Variants in CNTNAP2 observed in about 807,000 individuals in gnomAD.
The protein encoded by CNTNAP2 is contactin-associated protein-like 2.
CNTNAP2 carries 98 observed loss-of-function variants against 155.2 expected under a neutral mutation model. That is an observed-to-expected ratio of 0.63 (90% CI 0.54 to 0.75). The LOEUF (loss-of-function observed/expected upper bound fraction) is 0.75. CNTNAP2 is among the 30% of genes least tolerant of loss of function. The pLI is 0.00. For synonymous variants in CNTNAP2, 651 were observed against 631.2 expected (o/e 1.03, Z -0.47); for missense variants, 1,727 against 1,688.1 (o/e 1.02, Z -0.40).
chr7:147,878,027 A>C (rs900281896), intron 13 of CNTNAP2, among the ~76,000 whole-genome samples: 1 of 152,130 alleles, frequency 6.6e-6, no homozygotes, highest in Non-Finnish European at 1.5e-5. Flanking sequence ...TCTAATTACT[A>C]TATTTTGGTA....
intron 3 of CNTNAP2, among the ~76,000 whole-genome samples, chr7:146,863,871 T>C (rs1167348503): frequency 6.6e-6 from 1 of 152,152 alleles, no homozygotes; most frequent in Non-Finnish European, 1.5e-5. Flanking sequence ...AAATCCACCT[T>C]AAGCAAAATG....
chr7:146,171,565 T>G (rs1798390743), intron 1 of CNTNAP2, among the ~76,000 whole-genome samples: 1 of 152,190 alleles, frequency 6.6e-6, no homozygotes. Flanking sequence ...TCTGGAAAGC[T>G]ATGAGCAAGT....
chr7:148,332,524 G>A (rs181488349), intron 21 of CNTNAP2, among the ~76,000 whole-genome samples: 57 of 152,238 alleles, frequency 3.7e-4, no homozygotes, highest in African/African-American at 1.3e-3. Flanking sequence ...CCCAGAGCGT[G>A]GCCCTTCTGA....
At chr7:146,930,593 T>C (rs879608135) in intron 3 of CNTNAP2, among the ~76,000 whole-genome samples, 1 of 151,848 alleles carries the variant, frequency 6.6e-6, no homozygotes, top group African/African-American at 2.4e-5. Context: ...CAATATTAAC[T>C]TTAAATGTAA....
At chr7:147,868,200 C>T (rs1324955357) in intron 13 of CNTNAP2, among the ~76,000 whole-genome samples, 1 of 152,110 alleles carries the variant, frequency 6.6e-6, no homozygotes, top group East Asian at 1.9e-4. Flanking sequence ...GTCTAATAGT[C>T]AGGTCCCTCA....
intron 4 of CNTNAP2, among the ~76,000 whole-genome samples, chr7:147,046,443 T>C (rs866399111): frequency 6.6e-6 from 1 of 152,212 alleles, no homozygotes; most frequent in East Asian, 1.9e-4. Context: ...ATATTAGAGA[T>C]ATTAGTTTCT....
At chr7:146,743,254 A>C (rs1025733913) in intron 1 of CNTNAP2, among the ~76,000 whole-genome samples, 1 of 152,164 alleles carries the variant, frequency 6.6e-6, no homozygotes, top group Non-Finnish European at 1.5e-5. Context: ...AGTCCATAGG[A>C]GGTACAAACA....
At chr7:147,449,697 G>A (rs922048584) in intron 10 of CNTNAP2, among the ~76,000 whole-genome samples, 1 of 151,818 alleles carries the variant, frequency 6.6e-6, no homozygotes, top group African/African-American at 2.4e-5. Context: ...GATTTAAGGT[G>A]GAAAAAAAAG....
intron 21 of CNTNAP2, among the ~76,000 whole-genome samples, chr7:148,267,461 C>A (rs1331058098): frequency 6.6e-6 from 1 of 151,902 alleles, no homozygotes; most frequent in Non-Finnish European, 1.5e-5. Flanking sequence ...TCGAGACCAG[C>A]CTGGCCAACA....
At chr7:146,585,766 AAAG>A (rs1391680130) in intron 1 of CNTNAP2, among the ~76,000 whole-genome samples, 1 of 151,548 alleles carries the variant, frequency 6.6e-6, no homozygotes, top group Non-Finnish European at 1.5e-5. Flanking sequence ...GAAAGAAAGG[AAAG>A]AAAGAAAGGG....
At chr7:146,930,915 G>A (rs566608415) in intron 3 of CNTNAP2, among the ~76,000 whole-genome samples, 1 of 152,216 alleles carries the variant, frequency 6.6e-6, no homozygotes, top group South Asian at 2.1e-4. Context: ...ACCCAATACA[G>A]GAGCACCCAG....
At chr7:146,486,868 T>G (rs1797066387) in intron 1 of CNTNAP2, among the ~76,000 whole-genome samples, 5 of 152,202 alleles carry the variant, frequency 3.3e-5, no homozygotes. Flanking sequence ...TACTCTTCTA[T>G]GTATTCCCCT....
In CNTNAP2 at chr7:147,119,526, G is replaced by A. The variant is rs144597064; in HGVS notation, c.755-1453G>A. On this transcript the variant is annotated intron_variant, in intron 5 of 23. Coordinates refer to ENST00000361727, the MANE Select transcript of CNTNAP2 (RefSeq NM_014141.6). ...CAGTGTGACCTTTTCACTTAGTTCTGAATTTTCTTCCTCTCTCTTCCTCTT... is the reference window on the plus strand; with the variant it reads ...CAGTGTGACCTTTTCACTTAGTTCTAAATTTTCTTCCTCTCTCTTCCTCTT... Among the ~76,000 whole-genome samples the A allele has an allele frequency of 6.7e-3, 1,023 of 152,208 alleles. 8 individuals carry two copies. The highest frequency in any genetic ancestry group is 0.023 in the African/African-American group (944 of 41,524).
At chr7:147,301,592 C>CTGTG (rs10585570) in intron 9 of CNTNAP2, among the ~76,000 whole-genome samples, 152 of 101,860 alleles carry the variant, frequency 1.5e-3, no homozygotes, top group Middle Eastern at 4.5e-3. Context: ...CTCTCTCTCT[C>CTGTG]TGTGTGTGTG....
At chr7:146,836,434 C>T (rs10268245) in intron 2 of CNTNAP2, among the ~76,000 whole-genome samples, 27,783 of 152,044 alleles carry the variant, frequency 0.18, 8,027 homozygotes, top group African/African-American at 0.61. Flanking sequence ...GCCAAAAATA[C>T]ATAGTATTTA....
intron 1 of CNTNAP2, among the ~76,000 whole-genome samples, chr7:146,611,872 C>G (rs347203): frequency 0.65 from 99,066 of 151,970 alleles, 33,692 homozygotes; most frequent in African/African-American, 0.81. Flanking sequence ...TGTCCACAGG[C>G]CAAACAGAAA....
intron 1 of CNTNAP2, among the ~76,000 whole-genome samples, chr7:146,146,491 T>C (rs1344321281): frequency 6.6e-6 from 1 of 152,182 alleles, no homozygotes; most frequent in East Asian, 1.9e-4. Context: ...ACTTTATTCT[T>C]GTCAAGATTT....
intron 1 of CNTNAP2, among the ~76,000 whole-genome samples, chr7:146,388,181 C>T (rs1280567437): frequency 2.0e-5 from 3 of 151,390 alleles, no homozygotes; most frequent in South Asian, 2.1e-4. Flanking sequence ...TGGTAATCCT[C>T]GCACTTTGAG....
chr7:147,064,839 G>A (rs993909136), intron 4 of CNTNAP2, among the ~76,000 whole-genome samples: 1 of 152,078 alleles, frequency 6.6e-6, no homozygotes, highest in Non-Finnish European at 1.5e-5. Flanking sequence ...CCTTGTTTCA[G>A]TCCAGAAAGA....
Sources: gnomAD v4.1 joint callset for allele counts (sites outside exome capture counted in the v4.1 genomes callset) on GRCh38, gnomAD v4.1.1 for gene constraint, MANE v1.5 for transcripts, NCBI Gene and HGNC (gene_info 2026-07-23, HGNC 2026-07-21) for gene names.